Variants in PLEKHA5 observed in about 807,000 individuals in gnomAD.
The protein encoded by PLEKHA5 is pleckstrin homology domain-containing family A member 5.
A neutral mutation model predicts 181.9 loss-of-function variants in PLEKHA5; 55 were observed. That is an observed-to-expected ratio of 0.30 (90% CI 0.24 to 0.38). The LOEUF is 0.38. PLEKHA5 is among the 10% of genes least tolerant of loss of function. The pLI, the probability that PLEKHA5 is intolerant of heterozygous loss-of-function variation, is 1.00. For synonymous variants in PLEKHA5, 535 were observed against 529.4 expected (o/e 1.01, Z -0.15); for missense variants, 1,432 against 1,549.5 (o/e 0.92, Z 1.27).
intron 3 of PLEKHA5, among the ~76,000 whole-genome samples, chr12:19,161,683 A>G (rs183192967): frequency 1.2e-3 from 190 of 152,358 alleles, no homozygotes; most frequent in Non-Finnish European, 2.4e-3. Context: ...TAGATTTAAA[A>G]TAGGACTTTA....
At chr12:19,335,258 C>T (rs2093327071) in intron 20 of PLEKHA5, among the ~76,000 whole-genome samples, 1 of 151,584 alleles carries the variant, frequency 6.6e-6, no homozygotes, top group Non-Finnish European at 1.5e-5. Context: ...GTCTCGAGCT[C>T]CTGGGCTCAA....
intron 3 of PLEKHA5, among the ~76,000 whole-genome samples, chr12:19,213,377 A>AC (rs1302054461): frequency 3.3e-5 from 5 of 152,182 alleles, no homozygotes; most frequent in Non-Finnish European, 7.4e-5. Context: ...GCAAGACCAA[A>AC]AGATTATAGA....
At chr12:19,361,728 G>C in intron 29 of PLEKHA5, 22 bp downstream of exon 29, 1 of 1,581,414 alleles carries the variant, frequency 6.3e-7, no homozygotes, top group Non-Finnish European at 8.6e-7. Flanking sequence ...GAAAAGCAAA[G>C]GAATCATTCA....
intron 30 of PLEKHA5, among the ~76,000 whole-genome samples, chr12:19,369,463 TGATGCCAG>T (rs2095522339): frequency 6.6e-6 from 1 of 152,112 alleles, no homozygotes; most frequent in South Asian, 2.1e-4. Context: ...GAGGATTGCA[TGATGCCAG>T]GAGTTCAAGA....
chr12:19,306,349 C>G, intron 15 of PLEKHA5: 3 of 432,680 alleles, frequency 6.9e-6, no homozygotes, highest in Non-Finnish European at 9.2e-6. Flanking sequence ...CGTTTGTTTT[C>G]TCGTGCTCTC....
chr12:19,236,787 G>C (rs971725881), intron 3 of PLEKHA5: 8 of 152,120 alleles, frequency 5.3e-5, no homozygotes, highest in Non-Finnish European at 1.0e-4. Flanking sequence ...AATCACAACA[G>C]ATTCTTCCTG....
chr12:19,225,919 A>G (rs1278360044), intron 3 of PLEKHA5, among the ~76,000 whole-genome samples: 2 of 152,222 alleles, frequency 1.3e-5, no homozygotes, highest in Non-Finnish European at 2.9e-5. Flanking sequence ...AAGCAAGTCA[A>G]AATCCTACTA....
chr12:19,176,867 T>G (rs557006139), intron 3 of PLEKHA5, among the ~76,000 whole-genome samples: 138 of 152,178 alleles, frequency 9.1e-4, no homozygotes, highest in African/African-American at 3.2e-3. Flanking sequence ...CTCACATATT[T>G]ATCTTTTTTT....
At position 19,307,279 on chromosome 12, in the gene PLEKHA5, C is replaced by T. The variant is rs570398012; in HGVS notation, c.2038-7535C>T. 7.1e-6 allele frequency: 3 copies of T among 421,418 alleles called. No individual in the cohort carries two copies. The South Asian group carries it at 7.2e-5, about 10-fold the overall frequency. 26.1% of individuals were successfully genotyped at this position (421,418 alleles called of 1,614,324 possible). A position where few individuals can be genotyped will look rare whatever the true frequency, so the allele number is the denominator to read the frequency against. ...CTTGAGGTCAGGAGTTCGAGACCAACCTGACCAACATGGTGAAACCTTGTC... is the reference window on the plus strand; with the variant it reads ...CTTGAGGTCAGGAGTTCGAGACCAATCTGACCAACATGGTGAAACCTTGTC... On this transcript the variant is annotated intron_variant, in intron 15 of 31. Coordinates refer to ENST00000429027, the MANE Select transcript of PLEKHA5 (RefSeq NM_001256470.2).
At chr12:19,252,494 TTAAA>T (rs1339026835) in intron 3 of PLEKHA5, among the ~76,000 whole-genome samples, 1 of 152,138 alleles carries the variant, frequency 6.6e-6, no homozygotes, top group Non-Finnish European at 1.5e-5. Context: ...TATTTTTGGC[TTAAA>T]TAAATAGGGT....
chr12:19,172,823 A>G (rs1178229013), intron 3 of PLEKHA5, among the ~76,000 whole-genome samples: 1 of 152,102 alleles, frequency 6.6e-6, no homozygotes, highest in African/African-American at 2.4e-5. Context: ...AAAATAACAC[A>G]GAATTTCATG....
At chr12:19,304,193 T>A (rs995759396) in intron 15 of PLEKHA5, among the ~76,000 whole-genome samples, 1 of 151,970 alleles carries the variant, frequency 6.6e-6, no homozygotes, top group Non-Finnish European at 1.5e-5. Context: ...AATCCTGAGG[T>A]CAGGCGTTCA....
chr12:19,317,860 A>G (rs1010978088), intron 16 of PLEKHA5, among the ~76,000 whole-genome samples: 2 of 132,594 alleles, frequency 1.5e-5, no homozygotes, highest in Non-Finnish European at 1.6e-5. Flanking sequence ...TACATAGCCC[A>G]TTTTTTCATT....
intron 3 of PLEKHA5, among the ~76,000 whole-genome samples, chr12:19,160,838 G>T (rs12820779): frequency 2.0e-5 from 3 of 152,088 alleles, no homozygotes; most frequent in African/African-American, 4.8e-5. Context: ...ATTTGTAGGG[G>T]TGTAGAGGCT....
chr12:19,194,444 C>T (rs2052124519), intron 3 of PLEKHA5, among the ~76,000 whole-genome samples: 3 of 152,010 alleles, frequency 2.0e-5, no homozygotes, highest in Admixed American at 6.6e-5. Context: ...GAATTCTTTT[C>T]CTTTGGGTAG....
intron 20 of PLEKHA5, among the ~76,000 whole-genome samples, chr12:19,332,652 T>TAGGTG (rs2092961904): frequency 6.6e-6 from 1 of 152,146 alleles, no homozygotes; most frequent in Non-Finnish European, 1.5e-5. Flanking sequence ...ATTTAAACTA[T>TAGGTG]AGGTGAGTTT....
intron 29 of PLEKHA5, 41 bp downstream of exon 29, chr12:19,361,747 T>A: frequency 6.5e-7 from 1 of 1,529,690 alleles, no homozygotes; most frequent in East Asian, 2.3e-5. Flanking sequence ...CACAAAACTG[T>A]GTAACTGCTT....
chr12:19,328,707 A>T (rs145474708), intron 20 of PLEKHA5, among the ~76,000 whole-genome samples: 1,611 of 152,084 alleles, frequency 0.011, 10 homozygotes, highest in Non-Finnish European at 0.017. Flanking sequence ...AACTTTCCTG[A>T]AGTCATTTAT....
intron 3 of PLEKHA5, among the ~76,000 whole-genome samples, chr12:19,199,221 T>A (rs1490777216): frequency 6.6e-6 from 1 of 152,214 alleles, no homozygotes; most frequent in African/African-American, 2.4e-5. Context: ...TATAAGCTCC[T>A]GATTTGGTAG....
Sources: allele counts gnomAD v4.1 joint callset (sites outside exome capture counted in the v4.1 genomes callset), GRCh38; gene constraint gnomAD v4.1.1; transcripts MANE v1.5; gene names NCBI Gene and HGNC (gene_info 2026-07-23, HGNC 2026-07-21).